The following FUT8 variants were observed in gnomAD, a reference collection of about 807,000 sequenced individuals.
FUT8 encodes the protein fucosyltransferase 8.
FUT8 carries 29 observed loss-of-function variants against 71.3 expected under a neutral mutation model. The ratio of observed to expected loss-of-function variants is 0.41; its 90% CI spans 0.30 to 0.55. The LOEUF (loss-of-function observed/expected upper bound fraction) is 0.55. FUT8 is among the 20% of genes least tolerant of loss of function. The probability of loss-of-function intolerance (pLI) is 0.34; values close to 1 mark genes in which losing one functional copy is unlikely to be tolerated. For missense variants in FUT8, 544 were observed against 702.1 expected (o/e 0.77, Z 2.55); for synonymous variants, 254 against 239.3 (o/e 1.06, Z -0.57).
the FUT8 span, among the ~76,000 whole-genome samples, chr14:65,395,310 C>T: frequency 2.0e-5 from 3 of 152,208 alleles, no homozygotes; most frequent in African/African-American, 7.2e-5. Flanking sequence ...AGGCAGTGCC[C>T]CAGTTGGAAC....
At chr14:65,736,867 T>C (rs185433076) in intron 10 of FUT8, among the ~76,000 whole-genome samples, 80 of 152,254 alleles carry the variant, frequency 5.3e-4, no homozygotes, top group African/African-American at 1.7e-3. Context: ...ATCTCCTTCA[T>C]AATTCTTTGA....
intron 6 of FUT8, among the ~76,000 whole-genome samples, chr14:65,630,497 T>G (rs1305318255): frequency 6.6e-6 from 1 of 152,164 alleles, no homozygotes; most frequent in African/African-American, 2.4e-5. Context: ...ACAAAAGTGG[T>G]ATGAGAGTGG....
At chr14:65,650,405 C>CTTCTG (rs1271636716) in intron 6 of FUT8, among the ~76,000 whole-genome samples, 6 of 148,976 alleles carry the variant, frequency 4.0e-5, no homozygotes, top group Non-Finnish European at 8.9e-5. Flanking sequence ...AGCATAGTGG[C>CTTCTG]TTCTGGGGAG....
At chr14:65,709,402 A>AT (rs1183959047) in intron 7 of FUT8, among the ~76,000 whole-genome samples, 18 of 152,364 alleles carry the variant, frequency 1.2e-4, no homozygotes, top group African/African-American at 3.8e-4. Context: ...TTGATAAAAC[A>AT]TTAAAATAAA....
At position 65,742,269 on chromosome 14, in the gene FUT8, T is replaced by C. The variant is rs1006809956; in HGVS notation, c.1587T>C (p.Ile529=). 58 of 1,613,064 alleles carry C rather than the reference T, an allele frequency of 3.6e-5. No individual in the cohort carries two copies. Among genetic ancestry groups the C allele is most frequent in the Non-Finnish European group, 4.8e-5 (57 of 1,179,354 alleles). The change falls in exon 11 of 11, where the codon ATT becomes ATC. Residue 529 remains isoleucine, a synonymous_variant. Coordinates refer to ENST00000673929, the MANE Select transcript of FUT8 (RefSeq NM_001371533.1). ...TTCCCATGGAACCTGGAGATATCAT[T>C]GGTGTGGCTGGAAATCATTGGGATG... ...DEIPMEPGDI[I]GVAGNHWDGY... is the part of the protein sequence containing the mutation.
At chr14:65,434,932 A>G (rs1198511597) in intron 1 of FUT8, among the ~76,000 whole-genome samples, 1 of 152,134 alleles carries the variant, frequency 6.6e-6, no homozygotes, top group East Asian at 1.9e-4. Context: ...ATATGTATCT[A>G]CCCTCATAAT....
intron 2 of FUT8, among the ~76,000 whole-genome samples, chr14:65,511,509 A>T (rs142009975): frequency 2.6e-3 from 390 of 152,224 alleles, no homozygotes; most frequent in Non-Finnish European, 4.2e-3. Context: ...TCCAGCTATT[A>T]TTGTATTGGA....
At chr14:65,385,298 C>T in the FUT8 span, among the ~76,000 whole-genome samples, 66 of 152,212 alleles carry the variant, frequency 4.3e-4, no homozygotes, top group African/African-American at 1.5e-3. Context: ...TTTCCATATC[C>T]GAAGTGTTGC....
At position 65,652,969 on chromosome 14, in the gene FUT8, A is replaced by G. The variant is rs953789921; in HGVS notation, c.598-16274A>G. Among the ~76,000 whole-genome samples, 11 of 152,228 alleles carry G rather than the reference A, an allele frequency of 7.2e-5. No individual in the cohort carries two copies. Among genetic ancestry groups the G allele is most frequent in the African/African-American group, 2.6e-4 (11 of 41,528 alleles). On this transcript the variant is annotated intron_variant, in intron 6 of 10. Coordinates refer to ENST00000673929, the MANE Select transcript of FUT8 (RefSeq NM_001371533.1). This position sits in a 1 kb window ranked among gnomAD's most constrained non-coding sequence, Gnocchi z 4.0. ...AGTATTGCAACTTCAAGGTAGTAGGATTTTTTACAAGGTAGCTGAGGGCTC... is the reference window on the plus strand; with the variant it reads ...AGTATTGCAACTTCAAGGTAGTAGGGTTTTTTACAAGGTAGCTGAGGGCTC...
intron 3 of FUT8, among the ~76,000 whole-genome samples, chr14:65,564,532 A>G (rs977015381): frequency 2.0e-5 from 3 of 152,072 alleles, no homozygotes; most frequent in Non-Finnish European, 4.4e-5. Context: ...AATCTGATCT[A>G]TTGATGAGTA....
intron 1 of FUT8, among the ~76,000 whole-genome samples, chr14:65,449,671 A>G (rs1258624519): frequency 6.6e-6 from 1 of 152,140 alleles, no homozygotes; most frequent in African/African-American, 2.4e-5. Context: ...CATACCCCAT[A>G]CTATATTTAG....
At chr14:65,368,812 G>A in the FUT8 span, among the ~76,000 whole-genome samples, 1 of 151,486 alleles carries the variant, frequency 6.6e-6, no homozygotes, top group Non-Finnish European at 1.5e-5. Context: ...ATGAGCCACC[G>A]CGCCCGGCCT....
chr14:65,532,089 C>T (rs1883995216), intron 2 of FUT8, among the ~76,000 whole-genome samples: 1 of 152,098 alleles, frequency 6.6e-6, no homozygotes, highest in South Asian at 2.1e-4. Flanking sequence ...CGTAGGCATG[C>T]ATGTGTCTTT....
chr14:65,722,534 G>T (rs1384751329), intron 8 of FUT8, among the ~76,000 whole-genome samples: 1 of 152,110 alleles, frequency 6.6e-6, no homozygotes, highest in Non-Finnish European at 1.5e-5. Flanking sequence ...AGGAGTTATT[G>T]ACCCCATTCT....
chr14:65,511,386 G>A (rs1882329135), intron 2 of FUT8, among the ~76,000 whole-genome samples: 2 of 152,116 alleles, frequency 1.3e-5, no homozygotes, highest in African/African-American at 4.8e-5. Flanking sequence ...TGTATATTCT[G>A]TAGCTGTTGG....
At chr14:65,592,473 TTAGA>T (rs2140144248) in intron 3 of FUT8, among the ~76,000 whole-genome samples, 1 of 152,168 alleles carries the variant, frequency 6.6e-6, no homozygotes, top group South Asian at 2.1e-4. Flanking sequence ...TCTATCTGTA[TTAGA>T]TAGATAGATA....
At chr14:65,386,013 G>T in the FUT8 span, among the ~76,000 whole-genome samples, 10 of 151,974 alleles carry the variant, frequency 6.6e-5, no homozygotes, top group African/African-American at 1.7e-4. Flanking sequence ...TTAGCTGGGC[G>T]TGGTGGCATG....
the FUT8 span, among the ~76,000 whole-genome samples, chr14:65,368,545 T>C: frequency 1.6e-5 from 2 of 128,314 alleles, no homozygotes; most frequent in East Asian, 7.0e-4. Flanking sequence ...TTTTTTGAGA[T>C]GGAGTCTGGC....
intron 6 of FUT8, among the ~76,000 whole-genome samples, chr14:65,667,911 T>G (rs982512315): frequency 6.6e-6 from 1 of 151,948 alleles, no homozygotes; most frequent in Non-Finnish European, 1.5e-5. Context: ...AGTCCAGAAA[T>G]AAAGTCATAT....
Sources: allele counts gnomAD v4.1 joint callset (sites outside exome capture counted in the v4.1 genomes callset), GRCh38; gene constraint gnomAD v4.1.1; non-coding constraint Gnocchi (gnomAD v3.1); transcripts MANE v1.5; gene names NCBI Gene and HGNC (gene_info 2026-07-23, HGNC 2026-07-21).